Variants in ARNT2 observed in about 807,000 individuals in gnomAD.
ARNT2 encodes aryl hydrocarbon receptor nuclear translocator 2, also known as ARNT protein 2.
A neutral mutation model predicts 91.7 loss-of-function variants in ARNT2; 36 were observed. The observed-to-expected ratio is 0.39, with a 90% confidence interval of 0.30 to 0.52. The LOEUF is 0.52. Ranked by LOEUF, ARNT2 falls within the 20% of genes least tolerant of loss-of-function variation. The pLI is 0.72. For synonymous variants in ARNT2, 365 were observed against 347.1 expected, an observed-to-expected ratio of 1.05 and a Z score of -0.57; for missense variants, 775 against 939.3, an observed-to-expected ratio of 0.83 and a Z score of 2.29.
chr15:80,559,079 G>A (rs961542502), intron 11 of ARNT2, among the ~76,000 whole-genome samples: 7 of 152,160 alleles, frequency 4.6e-5, no homozygotes, highest in African/African-American at 1.7e-4. Context: ...GCCCAGGCCT[G>A]TCTCCCTCCA....
chr15:80,544,682 C>A (rs1170160791), intron 8 of ARNT2, among the ~76,000 whole-genome samples: 6 of 152,112 alleles, frequency 3.9e-5, no homozygotes, highest in African/African-American at 1.4e-4. Flanking sequence ...ATGTGAAAGG[C>A]CTCTGTAATG....
intron 5 of ARNT2, among the ~76,000 whole-genome samples, chr15:80,505,126 G>T (rs1897256015): frequency 6.6e-6 from 1 of 152,180 alleles, no homozygotes; most frequent in Non-Finnish European, 1.5e-5. Context: ...TCACTTTTAT[G>T]TATGTTGTAT....
chr15:80,499,721 T>G (rs1435192578), intron 5 of ARNT2, among the ~76,000 whole-genome samples: 1 of 152,046 alleles, frequency 6.6e-6, no homozygotes, highest in Non-Finnish European at 1.5e-5. Flanking sequence ...GACAAGAGGG[T>G]GGGTGAGTTA....
At chr15:80,588,746 T>A (rs1183750643) in intron 17 of ARNT2, among the ~76,000 whole-genome samples, 2 of 152,218 alleles carry the variant, frequency 1.3e-5, no homozygotes, top group Non-Finnish European at 2.9e-5. Flanking sequence ...CTAATTCCCC[T>A]TCTGGTGTCA....
chr15:80,568,522 G>A (rs1220217194), intron 12 of ARNT2, among the ~76,000 whole-genome samples: 2 of 152,152 alleles, frequency 1.3e-5, no homozygotes, highest in East Asian at 1.9e-4. Flanking sequence ...TCACCATCAC[G>A]TCTCCTTCGT....
At chr15:80,421,581 T>C (rs1161438643) in intron 1 of ARNT2, among the ~76,000 whole-genome samples, 2 of 152,206 alleles carry the variant, frequency 1.3e-5, no homozygotes, top group African/African-American at 4.8e-5. Flanking sequence ...CCGAATGACA[T>C]TGTATAGGTT....
At position 80,467,804 on chromosome 15, in the gene ARNT2, G is replaced by A. The variant is rs568108770; in HGVS notation, c.195-2414G>A. On this transcript the variant is annotated intron_variant, in intron 3 of 18. Transcript: ENST00000303329. ...TTTCTTGCTGCACCTTGGTTGTCTC[G>A]TGACAAGCTCCTGGCTGAGGAGTCA... is the stretch of plus-strand genomic sequence containing the variant. 3.9e-5 allele frequency among the ~76,000 whole-genome samples: 6 copies of A among 152,224 alleles called. No individual in the cohort carries two copies. The South Asian group carries it at 6.2e-4, about 16-fold the overall frequency.
chr15:80,573,918 A>G lies in ARNT2; in HGVS notation c.1317-230A>G, dbSNP rs530738681. On this transcript the variant is annotated intron_variant, in intron 12 of 18. Coordinates refer to ENST00000303329, the MANE Select transcript of ARNT2 (RefSeq NM_014862.4). Reference sequence around the variant, plus strand: ...TTGACCCTGCATAAAATGAAGTCACACGTCAAAATTGGTTTCTTAAATAGT... The same window carrying G: ...TTGACCCTGCATAAAATGAAGTCACGCGTCAAAATTGGTTTCTTAAATAGT... 13 of 536,542 alleles carry G rather than the reference A, an allele frequency of 2.4e-5. 1 individual carries two copies. In the South Asian group the frequency reaches 3.2e-4, roughly 13 times the overall value. 33.2% of individuals were successfully genotyped at this position (536,542 alleles called of 1,614,324 possible). A position where few individuals can be genotyped will look rare whatever the true frequency, so the allele number is the denominator to read the frequency against.
chr15:80,479,797 T>C (rs1353818189), intron 5 of ARNT2, among the ~76,000 whole-genome samples: 1 of 152,192 alleles, frequency 6.6e-6, no homozygotes, highest in African/African-American at 2.4e-5. Flanking sequence ...CATTTTGGTC[T>C]ACCTGCCCTG....
chr15:80,436,657 G>T (rs1896091850), intron 1 of ARNT2, among the ~76,000 whole-genome samples: 1 of 152,186 alleles, frequency 6.6e-6, no homozygotes, highest in Non-Finnish European at 1.5e-5. Flanking sequence ...GATGGTAGCT[G>T]CTCTCGTTGT....
At chr15:80,442,900 C>T (rs1055340362) in intron 1 of ARNT2, 1 of 985,334 alleles carries the variant, frequency 1.0e-6, no homozygotes, top group African/African-American at 1.7e-5. Context: ...GACGCCGACA[C>T]ACTATTTTGA....
rs1379442911 is a variant in ARNT2, at chr15:80,591,626, G to A, written c.1977G>A (p.Gln659=). 2 of 1,614,224 alleles carry A rather than the reference G, an allele frequency of 1.2e-6. No individual in the cohort carries two copies. Among genetic ancestry groups the A allele is most frequent in the East Asian group, 2.2e-5 (1 of 44,878 alleles). Residue 659 remains glutamine, a synonymous_variant, in exon 18 of 19, where the codon CAG becomes CAA. Coordinates refer to ENST00000303329, the MANE Select transcript of ARNT2 (RefSeq NM_014862.4). The surrounding 1 kb of genome is among the most constrained non-coding windows in gnomAD (Gnocchi z 5.1). ...GGCGGCCCTCGGAAGTCTGGTCGCA[G>A]TGGCAAAGCCAGCACCATGGCCAGC... The part of the protein sequence containing the change: ...FQGRPSEVWS[Q]WQSQHHGQQS...
chr15:80,565,465 A>C (rs1443409523), intron 12 of ARNT2, among the ~76,000 whole-genome samples: 3 of 151,726 alleles, frequency 2.0e-5, no homozygotes, highest in Admixed American at 1.3e-4. Context: ...ACTAATTTAC[A>C]TTCCCATCAT....
chr15:80,406,860 G>C (rs1895608394), intron 1 of ARNT2, among the ~76,000 whole-genome samples: 1 of 152,158 alleles, frequency 6.6e-6, no homozygotes, highest in Non-Finnish European at 1.5e-5. Flanking sequence ...GTCCCCTGAG[G>C]ATGATCCGTG....
chr15:80,522,771 AT>A (rs1897572331), intron 8 of ARNT2, among the ~76,000 whole-genome samples: 3 of 150,476 alleles, frequency 2.0e-5, no homozygotes, highest in Admixed American at 6.6e-5. Flanking sequence ...ATATATATAT[AT>A]ATATATATCT....
chr15:80,416,127 G>A (rs1895781861), intron 1 of ARNT2, among the ~76,000 whole-genome samples: 1 of 152,208 alleles, frequency 6.6e-6, no homozygotes, highest in Admixed American at 6.5e-5. Flanking sequence ...CCAAACAAAT[G>A]AAAAGAGATG....
In ARNT2 at chr15:80,555,092, T is replaced by C. The variant is rs1279608621; in HGVS notation, c.1117T>C (p.Phe373Leu). ...TCTTCTGGGAAAGGACATTTTGGAATTCTGCCACCCTGAGGATCAAAGCCA... is the reference window on the plus strand; with the variant it reads ...TCTTCTGGGAAAGGACATTTTGGAACTCTGCCACCCTGAGGATCAAAGCCA... Reference protein sequence around the residue: ...QDLLGKDILEFCHPEDQSHLR... With the variant: ...QDLLGKDILELCHPEDQSHLR... Residue 373 changes from phenylalanine (F) to leucine (L), a missense_variant, in exon 11 of 19, where the codon TTC (phenylalanine) becomes CTC (leucine). Physicochemically the swap from Phe to Leu is conservative, Grantham distance 22. Transcript: ENST00000303329. The C allele has an allele frequency of 1.1e-5, 17 of 1,614,118 alleles. No individual in the cohort carries two copies. The highest frequency in any genetic ancestry group is 1.4e-5 in the Non-Finnish European group (17 of 1,180,050).
intron 4 of ARNT2, among the ~76,000 whole-genome samples, chr15:80,473,536 C>T (rs571219218): frequency 6.6e-6 from 1 of 152,282 alleles, no homozygotes; most frequent in South Asian, 2.1e-4. Context: ...GGAAGATCAT[C>T]CAAAAACTGA....
At chr15:80,492,304 C>G (rs981006420) in intron 5 of ARNT2, among the ~76,000 whole-genome samples, 5 of 152,184 alleles carry the variant, frequency 3.3e-5, no homozygotes, top group Admixed American at 6.5e-5. Flanking sequence ...TCCCAAAATG[C>G]TGGGATTATG....
Sources: allele counts gnomAD v4.1 joint callset (sites outside exome capture counted in the v4.1 genomes callset), GRCh38; gene constraint gnomAD v4.1.1; non-coding constraint Gnocchi (gnomAD v3.1); transcripts MANE v1.5; gene names NCBI Gene and HGNC (gene_info 2026-07-23, HGNC 2026-07-21).